SDK2: variants seen among roughly 807,000 people sequenced by gnomAD.
The protein encoded by SDK2 is sidekick cell adhesion molecule 2.
In SDK2, 105 loss-of-function variants were observed where a neutral mutation model predicts 253.9. The ratio of observed to expected loss-of-function variants is 0.41; its 90% confidence interval spans 0.35 to 0.49. The LOEUF (loss-of-function observed/expected upper bound fraction) is 0.49, where lower values mean the gene tolerates loss of function less well. Among genes scored for constraint, SDK2 ranks in the 20% least tolerant of loss-of-function variants. The pLI, the probability that SDK2 is intolerant of heterozygous loss-of-function variation, is 0.06. For missense variants in SDK2, 2,608 were observed against 3,003.0 expected, an observed-to-expected ratio of 0.87 and a Z score of 3.07; for synonymous variants, 1,249 against 1,234.9, an observed-to-expected ratio of 1.01 and a Z score of -0.24.
At chr17:73,428,202 A>AG (rs1346580205) in intron 12 of SDK2, among the ~76,000 whole-genome samples, 7 of 152,142 alleles carry the variant, frequency 4.6e-5, no homozygotes, top group African/African-American at 1.7e-4. Flanking sequence ...CACGCCTGTA[A>AG]TCCTAGCACT....
chr17:73,529,440 C>G (rs372363799), intron 1 of SDK2, among the ~76,000 whole-genome samples: 1 of 152,080 alleles, frequency 6.6e-6, no homozygotes, highest in Admixed American at 6.5e-5. Flanking sequence ...AACAAGGCTG[C>G]CTTGTTAATA....
chr17:73,543,944 G>A (rs557976159), intron 1 of SDK2, among the ~76,000 whole-genome samples: 1 of 152,346 alleles, frequency 6.6e-6, no homozygotes, highest in Non-Finnish European at 1.5e-5. Context: ...GAAACTGCAG[G>A]CAGAGGGACA....
chr17:73,422,670 G>C (rs1426480137), intron 14 of SDK2, among the ~76,000 whole-genome samples: 1 of 152,034 alleles, frequency 6.6e-6, no homozygotes, highest in Non-Finnish European at 1.5e-5. Context: ...GAACTGAGAT[G>C]CATTTGTCTC....
At chr17:73,390,061 T>C (rs2062914151) in intron 29 of SDK2, among the ~76,000 whole-genome samples, 1 of 152,214 alleles carries the variant, frequency 6.6e-6, no homozygotes, top group Non-Finnish European at 1.5e-5. Flanking sequence ...AAACTTTCCC[T>C]TTAGAAGACC....
intron 5 of SDK2, among the ~76,000 whole-genome samples, chr17:73,442,387 G>A (rs1017777604): frequency 6.6e-6 from 1 of 152,066 alleles, no homozygotes; most frequent in Non-Finnish European, 1.5e-5. Context: ...TGTTGCCCAG[G>A]CTGGAGTGCA....
In SDK2 at chr17:73,447,831, G is replaced by T; in HGVS notation, c.480-83C>A. 1 of 1,501,518 alleles carries T rather than the reference G, an allele frequency of 6.7e-7. No individual in the cohort carries two copies. The allele number at this position is 1,501,518 out of a possible 1,614,324, so 93.0% of individuals were successfully genotyped here. On this transcript the variant is annotated intron_variant, in intron 4 of 44. Coordinates refer to ENST00000392650, the MANE Select transcript of SDK2 (RefSeq NM_001144952.2). The surrounding 1 kb of genome is among the most constrained non-coding windows in gnomAD (Gnocchi z 4.0). ...GAGTGGGAGTGGAAACCCTAAGGGG[G>T]AAGCCCGACCATATCTCCCAGTCCC... is the stretch of plus-strand genomic sequence containing the variant.
chr17:73,401,240 C>G, intron 20 of SDK2, 29 bp from the exon 21 acceptor site: 1 of 1,520,674 alleles, frequency 6.6e-7, no homozygotes, highest in Non-Finnish European at 8.9e-7. Context: ...TTGGCATGAG[C>G]TTGGCTGTGA....
chr17:73,423,902 AG>A lies in SDK2; in HGVS notation c.1760+13del, dbSNP rs1361521695. 41 of 1,545,054 alleles carry A rather than the reference AG, an allele frequency of 2.7e-5. No individual in the cohort carries two copies. Among genetic ancestry groups the A allele is most frequent in the Non-Finnish European group, 3.5e-5 (40 of 1,141,756 alleles). On this transcript the variant is annotated intron_variant, in intron 13 of 44. Transcript: ENST00000392650. The stretch of plus-strand genomic sequence containing the variant: ...TGGACCGCCTCTGCCGGGGTCTGGG[AG>A]GGCTGCCCTTACCTGACTCGCAGGT...
intron 1 of SDK2, among the ~76,000 whole-genome samples, chr17:73,601,765 A>G (rs1307245946): frequency 1.3e-5 from 2 of 151,036 alleles, no homozygotes; most frequent in Non-Finnish European, 3.0e-5. Flanking sequence ...CTTTTTTGAG[A>G]CAGAGTCCTG....
At chr17:73,434,937 A>T (rs2063355531) in intron 9 of SDK2, among the ~76,000 whole-genome samples, 1 of 145,972 alleles carries the variant, frequency 6.9e-6, no homozygotes, top group South Asian at 2.1e-4. Context: ...GCCCACAGTT[A>T]TCACCTTTGA....
chr17:73,375,573 C>G (rs975510367), intron 36 of SDK2, among the ~76,000 whole-genome samples: 1 of 150,354 alleles, frequency 6.7e-6, no homozygotes, highest in African/African-American at 2.4e-5. Flanking sequence ...AAATTTCAAA[C>G]CCTGGCTGGG....
intron 1 of SDK2, among the ~76,000 whole-genome samples, chr17:73,604,206 C>CAG (rs2045878510): frequency 6.6e-6 from 1 of 152,226 alleles, no homozygotes; most frequent in African/African-American, 2.4e-5. Context: ...CTTGAGCGAA[C>CAG]AGAGCCCCAT....
chr17:73,411,397 G>T (rs948316727), intron 18 of SDK2, among the ~76,000 whole-genome samples: 8 of 152,138 alleles, frequency 5.3e-5, no homozygotes, highest in African/African-American at 1.9e-4. Context: ...AGGGGTGCAG[G>T]AACCTTCGGG....
intron 36 of SDK2, among the ~76,000 whole-genome samples, chr17:73,375,365 C>T (rs566723403): frequency 2.8e-4 from 43 of 151,428 alleles, no homozygotes; most frequent in African/African-American, 6.8e-4. Flanking sequence ...CCTCCCACCC[C>T]GTTGGCTGGG....
chr17:73,619,119 A>G (rs1447401852), intron 1 of SDK2, among the ~76,000 whole-genome samples: 1 of 148,612 alleles, frequency 6.7e-6, no homozygotes, highest in East Asian at 2.0e-4. Context: ...ATGAGCCAAG[A>G]TTGTGCCACT....
At chr17:73,472,702 G>A (rs2063661123) in intron 2 of SDK2, among the ~76,000 whole-genome samples, 1 of 152,160 alleles carries the variant, frequency 6.6e-6, no homozygotes. Context: ...ATTACAGACA[G>A]CCCCTGATGC....
At chr17:73,545,194 T>TC (rs2044941594) in intron 1 of SDK2, among the ~76,000 whole-genome samples, 1 of 150,932 alleles carries the variant, frequency 6.6e-6, no homozygotes, top group African/African-American at 2.5e-5. Flanking sequence ...GGGGTTCCCC[T>TC]CCCCTGGAAA....
chr17:73,512,028 T>G (rs917277821), intron 1 of SDK2, among the ~76,000 whole-genome samples: 4 of 152,144 alleles, frequency 2.6e-5, no homozygotes, highest in Non-Finnish European at 4.4e-5. Flanking sequence ...TGTGTTCAAG[T>G]ATGTGTGTCT....
intron 3 of SDK2, among the ~76,000 whole-genome samples, chr17:73,471,517 T>C (rs1171704354): frequency 6.6e-6 from 1 of 152,182 alleles, no homozygotes; most frequent in Non-Finnish European, 1.5e-5. Context: ...GAGAATCACT[T>C]GAACCTGGAA....
Sources: allele counts gnomAD v4.1 joint callset (sites outside exome capture counted in the v4.1 genomes callset), GRCh38; gene constraint gnomAD v4.1.1; non-coding constraint Gnocchi (gnomAD v3.1); transcripts MANE v1.5; gene names NCBI Gene and HGNC (gene_info 2026-07-23, HGNC 2026-07-21).